NBEA: variants seen among roughly 807,000 people sequenced by gnomAD.
NBEA encodes neurobeachin.
A neutral mutation model predicts 343.4 loss-of-function variants in NBEA; 44 were observed. That is an observed-to-expected ratio of 0.13 (90% CI 0.10 to 0.16). The LOEUF is 0.16. NBEA is among the 10% of genes least tolerant of loss of function. NBEA has a pLI of 1.00. For synonymous variants in NBEA, 1,175 were observed against 1,238.7 expected, an observed-to-expected ratio of 0.95 and a Z score of 1.08; for missense variants, 2,555 against 3,631.3, an observed-to-expected ratio of 0.70 and a Z score of 7.62.
intron 1 of NBEA, among the ~76,000 whole-genome samples, chr13:34,988,804 C>G (rs773904437): frequency 6.0e-5 from 9 of 150,810 alleles, no homozygotes; most frequent in Non-Finnish European, 1.3e-4. Context: ...TTTTTCTGTT[C>G]TTTTACTATT....
intron 33 of NBEA, among the ~76,000 whole-genome samples, chr13:35,212,763 G>T (rs1056763025): frequency 2.6e-5 from 4 of 151,986 alleles, no homozygotes; most frequent in African/African-American, 4.8e-5. Context: ...TTTTTAGTTT[G>T]CATTCTCCTG....
At position 35,646,348 on chromosome 13, in the gene NBEA, G is replaced by A. The variant is rs761549389; in HGVS notation, c.7770G>A (p.Leu2590=). 3 of 1,609,860 alleles carry A rather than the reference G, an allele frequency of 1.9e-6. No homozygotes were observed. The highest frequency in any genetic ancestry group is 2.5e-6 in the Non-Finnish European group (3 of 1,176,540). The part of the protein sequence containing the change: ...PHPPRSSAMH[L]CFLPQSPLMF... ...CGCCTCGGAGCTCTGCCATGCACCT[G>A]GTAAGACATATCAGCATGTTGAGAT... Residue 2590 remains leucine (L), a splice_region_variant and synonymous_variant, in exon 51 of 59, where the codon CTG becomes CTA. Transcript: ENST00000379939.
intron 33 of NBEA, among the ~76,000 whole-genome samples, chr13:35,220,446 C>T (rs909218328): frequency 4.6e-5 from 7 of 152,110 alleles, no homozygotes; most frequent in African/African-American, 1.7e-4. Flanking sequence ...CTTGGAAATC[C>T]ACCTCGATGT....
chr13:35,189,678 A>G (rs185403142), intron 30 of NBEA, among the ~76,000 whole-genome samples: 7 of 152,056 alleles, frequency 4.6e-5, no homozygotes, highest in Non-Finnish European at 8.8e-5. Context: ...TGAGTTCTAA[A>G]CATTACTTGT....
intron 45 of NBEA, among the ~76,000 whole-genome samples, chr13:35,578,949 A>G (rs572768465): frequency 1.6e-4 from 24 of 151,240 alleles, no homozygotes; most frequent in African/African-American, 1.5e-4. Flanking sequence ...TTTTTTAACA[A>G]TTTTGTACAT....
At chr13:35,484,693 A>G (rs1185050645) in intron 41 of NBEA, among the ~76,000 whole-genome samples, 1 of 152,160 alleles carries the variant, frequency 6.6e-6, no homozygotes, top group African/African-American at 2.4e-5. Context: ...AATTGCCTCT[A>G]TTCTTGAGGC....
chr13:35,089,935 A>T (rs4941808), intron 10 of NBEA, among the ~76,000 whole-genome samples: 2 of 132,738 alleles, frequency 1.5e-5, no homozygotes, highest in South Asian at 2.8e-4. Context: ...GGGGAGGGAT[A>T]GCATTGGGAG....
intron 38 of NBEA, among the ~76,000 whole-genome samples, chr13:35,388,308 G>A (rs186939586): frequency 6.9e-4 from 105 of 152,014 alleles, no homozygotes; most frequent in African/African-American, 2.5e-3. Context: ...AAGCCTTCTG[G>A]GTGTAACACT....
intron 31 of NBEA, among the ~76,000 whole-genome samples, chr13:35,204,795 T>A (rs1044312119): frequency 1.3e-5 from 2 of 152,126 alleles, no homozygotes; most frequent in African/African-American, 4.8e-5. Flanking sequence ...ATGTTCACTC[T>A]AAAAAAATGT....
intron 58 of NBEA, among the ~76,000 whole-genome samples, chr13:35,669,884 GC>G (rs2085528014): frequency 1.3e-5 from 2 of 151,964 alleles, no homozygotes; most frequent in African/African-American, 2.4e-5. Flanking sequence ...GCTGGGAAGG[GC>G]AGGAAAGACC....
At chr13:34,997,800 G>A (rs2060988913) in intron 1 of NBEA, among the ~76,000 whole-genome samples, 1 of 152,068 alleles carries the variant, frequency 6.6e-6, no homozygotes, top group Non-Finnish European at 1.5e-5. Flanking sequence ...TCTACTGTTA[G>A]GTGCTTGTTT....
chr13:35,428,869 A>C (rs148100725), intron 38 of NBEA, among the ~76,000 whole-genome samples: 2,056 of 152,258 alleles, frequency 0.014, 59 homozygotes, highest in African/African-American at 0.047. Flanking sequence ...ACATTGCTTC[A>C]TCTGGAAGTG....
At chr13:35,303,907 G>A (rs529408106) in intron 35 of NBEA, among the ~76,000 whole-genome samples, 4 of 152,246 alleles carry the variant, frequency 2.6e-5, no homozygotes, top group African/African-American at 9.6e-5. Context: ...TACCAGCCCA[G>A]TACAATGACT....
At chr13:35,335,071 A>T (rs147788912) in intron 36 of NBEA, among the ~76,000 whole-genome samples, 211 of 152,234 alleles carry the variant, frequency 1.4e-3, no homozygotes, top group African/African-American at 5.0e-3. Context: ...TCTTCTGCAT[A>T]TGGATATCCA....
chr13:35,333,597 T>C (rs956297741), intron 36 of NBEA, among the ~76,000 whole-genome samples: 2 of 152,124 alleles, frequency 1.3e-5, no homozygotes, highest in African/African-American at 4.8e-5. Flanking sequence ...TTATTGATTA[T>C]AGTCACCCTG....
chr13:35,161,946 C>G lies in NBEA; in HGVS notation c.4058C>G (p.Thr1353Ser), dbSNP rs2069593755. Reference protein sequence around the residue: ...LLTDLLFALETDVHVWRSHST... With the variant: ...LLTDLLFALESDVHVWRSHST... ...ACTGATTTACTATTTGCATTAGAAA[C>G]TGATGTACATGTTTGGAGGAGGTAG... The change falls in exon 23 of 59, where the codon ACT (threonine) becomes AGT (serine). Residue 1353 changes from threonine (T) to serine (S), a missense_variant. Physicochemically the swap from Thr to Ser is moderately conservative, Grantham distance 58. This residue lies in a region of NBEA where 69 missense variants were observed against 128.8 expected (regional missense o/e 0.54). Transcript: ENST00000379939. The G allele has an allele frequency of 1.3e-6, 2 of 1,552,000 alleles. No individual in the cohort carries two copies. The highest frequency in any genetic ancestry group is 1.7e-6 in the Non-Finnish European group (2 of 1,146,506).
chr13:35,282,003 T>C (rs1322256556), intron 34 of NBEA, among the ~76,000 whole-genome samples: 1 of 151,844 alleles, frequency 6.6e-6, no homozygotes, highest in Non-Finnish European at 1.5e-5. Flanking sequence ...AGCTCCACCT[T>C]CCGGGTTCAC....
In NBEA at chr13:35,042,455, A is replaced by G. The variant is rs114027392; in HGVS notation, c.526+1291A>G. Among the ~76,000 whole-genome samples the G allele has an allele frequency of 5.3e-3, 808 of 151,858 alleles. 9 individuals are homozygous for G. Among genetic ancestry groups the G allele is most frequent in the African/African-American group, 0.018 (766 of 41,546 alleles). On this transcript the variant is annotated intron_variant, in intron 2 of 58. Transcript: ENST00000379939. Reference sequence around the variant, plus strand: ...TATCATATGATCTTTTAATTCTTACATCTGAGCTTAAGCTCTTAATTTTTT... The same window carrying G: ...TATCATATGATCTTTTAATTCTTACGTCTGAGCTTAAGCTCTTAATTTTTT...
At chr13:35,584,245 T>A (rs940122475) in intron 46 of NBEA, among the ~76,000 whole-genome samples, 1 of 152,136 alleles carries the variant, frequency 6.6e-6, no homozygotes, top group Admixed American at 6.6e-5. Context: ...TAGTTATCTG[T>A]TGCTAGGTAT....
Sources: allele counts gnomAD v4.1 joint callset (sites outside exome capture counted in the v4.1 genomes callset), GRCh38; gene constraint gnomAD v4.1.1; regional missense constraint gnomAD v4.1.1; transcripts MANE v1.5; gene names NCBI Gene and HGNC (gene_info 2026-07-23, HGNC 2026-07-21).